The following RBMS3 variants were observed in gnomAD, a reference collection of about 807,000 sequenced individuals.
RBMS3 encodes the protein RNA binding motif single stranded interacting protein 3, also known as RNA-binding motif, single-stranded-interacting protein 3.
A neutral mutation model predicts 66.8 loss-of-function variants in RBMS3; 27 were observed. The observed-to-expected ratio is 0.40, with a 90% confidence interval of 0.30 to 0.56. RBMS3 has a LOEUF of 0.56. Among genes scored for constraint, RBMS3 ranks in the 20% least tolerant of loss-of-function variants. RBMS3 has a pLI of 0.40. For synonymous variants in RBMS3, 188 were observed against 183.0 expected, an observed-to-expected ratio of 1.03 and a Z score of -0.22; for missense variants, 513 against 549.5, an observed-to-expected ratio of 0.93 and a Z score of 0.66.
At chr3:29,493,288 T>G (rs1179522617) in intron 3 of RBMS3, among the ~76,000 whole-genome samples, 1 of 152,084 alleles carries the variant, frequency 6.6e-6, no homozygotes, top group Non-Finnish European at 1.5e-5. Context: ...TATTTGAGAG[T>G]CAGGATCAGT....
intron 3 of RBMS3, among the ~76,000 whole-genome samples, chr3:29,538,755 A>G (rs2045660598): frequency 3.3e-5 from 5 of 152,240 alleles, no homozygotes; most frequent in African/African-American, 2.4e-5. Flanking sequence ...TAATGAAGGC[A>G]CATGTTGTCC....
chr3:29,728,690 C>G (rs944257674), intron 4 of RBMS3, among the ~76,000 whole-genome samples: 1 of 152,122 alleles, frequency 6.6e-6, no homozygotes, highest in African/African-American at 2.4e-5. Context: ...AGTTGTGCAG[C>G]CTGTTCTCTT....
intron 2 of RBMS3, among the ~76,000 whole-genome samples, chr3:29,483,968 C>T (rs981864875): frequency 6.6e-6 from 1 of 152,134 alleles, no homozygotes; most frequent in East Asian, 1.9e-4. Context: ...GATTATCTCT[C>T]CGGGGAAAGA....
At chr3:30,000,814 C>T (rs1699568115) in intron 14 of RBMS3, among the ~76,000 whole-genome samples, 1 of 152,082 alleles carries the variant, frequency 6.6e-6, no homozygotes, top group Admixed American at 6.5e-5. Flanking sequence ...TGCATATTCT[C>T]ACTCATAAGT....
At chr3:29,862,802 G>C (rs2059249325) in intron 6 of RBMS3, among the ~76,000 whole-genome samples, 1 of 147,134 alleles carries the variant, frequency 6.8e-6, no homozygotes, top group South Asian at 2.2e-4. Context: ...TGAGATCCAA[G>C]ATCAAGCCAC....
At chr3:29,798,545 A>G (rs1220530780) in intron 6 of RBMS3, among the ~76,000 whole-genome samples, 4 of 152,182 alleles carry the variant, frequency 2.6e-5, no homozygotes, top group Admixed American at 2.0e-4. Flanking sequence ...ATTGGCAAAC[A>G]AACCAACACA....
intron 4 of RBMS3, among the ~76,000 whole-genome samples, chr3:29,611,693 A>G (rs2048498108): frequency 6.6e-6 from 1 of 152,048 alleles, no homozygotes; most frequent in African/African-American, 2.4e-5. Context: ...TCTGTAGTCA[A>G]GGTTTCAGGG....
intron 4 of RBMS3, among the ~76,000 whole-genome samples, chr3:29,625,195 G>A (rs2049014594): frequency 6.6e-6 from 1 of 152,072 alleles, no homozygotes; most frequent in Admixed American, 6.6e-5. Context: ...CCCAGTCTCA[G>A]GTAGTTCTCT....
At chr3:29,325,144 G>A (rs1452536048) in intron 1 of RBMS3, among the ~76,000 whole-genome samples, 2 of 152,170 alleles carry the variant, frequency 1.3e-5, no homozygotes, top group East Asian at 3.9e-4. Flanking sequence ...AACACTCTAT[G>A]TATTAAGTTG....
At chr3:29,395,054 GT>G (rs1381285333) in intron 1 of RBMS3, among the ~76,000 whole-genome samples, 1 of 152,152 alleles carries the variant, frequency 6.6e-6, no homozygotes, top group African/African-American at 2.4e-5. Context: ...GTATTACTCT[GT>G]TTAGTTTTAT....
intron 4 of RBMS3, among the ~76,000 whole-genome samples, chr3:29,651,780 A>G (rs2050152570): frequency 6.6e-6 from 1 of 152,150 alleles, no homozygotes; most frequent in Non-Finnish European, 1.5e-5. Context: ...ATTTACAACA[A>G]TGGCAGTTTG....
At chr3:29,498,322 C>T (rs1288841244) in intron 3 of RBMS3, among the ~76,000 whole-genome samples, 3 of 151,834 alleles carry the variant, frequency 2.0e-5, no homozygotes, top group Non-Finnish European at 4.4e-5. Context: ...ATTCAGAGTA[C>T]TTATTTTGTT....
chr3:29,834,742 A>G (rs10446455), intron 6 of RBMS3, among the ~76,000 whole-genome samples: 15,964 of 151,990 alleles, frequency 0.11, 860 homozygotes, highest in East Asian at 0.16. Context: ...TACAAAACGG[A>G]CAGAAAACAA....
intron 1 of RBMS3, among the ~76,000 whole-genome samples, chr3:29,350,824 T>G (rs2036865646): frequency 1.3e-5 from 2 of 151,988 alleles, no homozygotes; most frequent in African/African-American, 4.8e-5. Flanking sequence ...GATAAGCCTT[T>G]TGCCATAAAA....
intron 3 of RBMS3, among the ~76,000 whole-genome samples, chr3:29,561,085 GCT>G (rs2046533191): frequency 6.7e-6 from 1 of 149,954 alleles, no homozygotes; most frequent in Non-Finnish European, 1.5e-5. Flanking sequence ...GCTTTTTATG[GCT>G]ACATAGTATT....
At chr3:29,743,323 A>G (rs2054723985) in intron 5 of RBMS3, among the ~76,000 whole-genome samples, 1 of 152,208 alleles carries the variant, frequency 6.6e-6, no homozygotes, top group Non-Finnish European at 1.5e-5. Flanking sequence ...CCTCTGAACC[A>G]CAAAACAGAG....
At chr3:29,563,868 T>C (rs1251048664) in intron 3 of RBMS3, among the ~76,000 whole-genome samples, 1 of 151,770 alleles carries the variant, frequency 6.6e-6, no homozygotes, top group African/African-American at 2.4e-5. Context: ...CTACAAAAAA[T>C]TAGCCAGGTA....
intron 3 of RBMS3, among the ~76,000 whole-genome samples, chr3:29,543,942 TAGA>T (rs1480578199): frequency 6.6e-6 from 1 of 152,096 alleles, no homozygotes; most frequent in Non-Finnish European, 1.5e-5. Context: ...ATAAAAGTAT[TAGA>T]AGGAGATTGG....
chr3:29,284,884 A>C (rs1442416795), intron 1 of RBMS3, among the ~76,000 whole-genome samples: 18 of 21,706 alleles, frequency 8.3e-4, no homozygotes, highest in East Asian at 8.0e-4. Context: ...TTTTTTTTTT[A>C]CCAAAAGAAG....
Sources: allele counts gnomAD v4.1 joint callset (sites outside exome capture counted in the v4.1 genomes callset), GRCh38; gene constraint gnomAD v4.1.1; transcripts MANE v1.5; gene names NCBI Gene and HGNC (gene_info 2026-07-23, HGNC 2026-07-21).